The following HPSE2 variants were observed in gnomAD, a reference collection of about 807,000 sequenced individuals.
HPSE2 encodes inactive heparanase-2.
In HPSE2, 38 loss-of-function variants were observed where a neutral mutation model predicts 60.5. That is an observed-to-expected ratio of 0.63 (90% CI 0.48 to 0.82). The LOEUF (loss-of-function observed/expected upper bound fraction) is 0.82, where lower values mean the gene tolerates loss of function less well. HPSE2 is among the 40% of genes least tolerant of loss of function. The pLI is 0.00. For missense variants in HPSE2, 713 were observed against 740.4 expected, an observed-to-expected ratio of 0.96 and a Z score of 0.43; for synonymous variants, 295 against 293.2, an observed-to-expected ratio of 1.01 and a Z score of -0.06.
chr10:99,167,955 A>G (rs1177494236), intron 2 of HPSE2, among the ~76,000 whole-genome samples: 2 of 152,004 alleles, frequency 1.3e-5, no homozygotes, highest in African/African-American at 4.8e-5. Flanking sequence ...ACATAAATAT[A>G]TTCGTTATAC....
intron 6 of HPSE2, among the ~76,000 whole-genome samples, chr10:98,665,899 A>G (rs933651405): frequency 1.5e-4 from 23 of 152,210 alleles, no homozygotes; most frequent in Admixed American, 1.5e-3. Context: ...CAAAAAGCTA[A>G]TAACATGATG....
At chr10:98,517,135 G>A (rs899307400) in intron 9 of HPSE2, among the ~76,000 whole-genome samples, 1 of 145,474 alleles carries the variant, frequency 6.9e-6, no homozygotes, top group African/African-American at 2.5e-5. Flanking sequence ...AAGACCCAGA[G>A]CAGGGCTTTC....
At chr10:99,142,527 G>A (rs1333100261) in intron 3 of HPSE2, among the ~76,000 whole-genome samples, 2 of 152,188 alleles carry the variant, frequency 1.3e-5, no homozygotes, top group African/African-American at 2.4e-5. Flanking sequence ...CTCTGCACAG[G>A]CATTTGGGTG....
intron 4 of HPSE2, among the ~76,000 whole-genome samples, chr10:98,727,102 TAAG>T (rs560293520): frequency 2.1e-4 from 32 of 152,134 alleles, no homozygotes; most frequent in African/African-American, 7.7e-4. Flanking sequence ...TAAAAAAACT[TAAG>T]AGATATCAGT....
At chr10:98,731,345 A>G (rs1406273385) in intron 4 of HPSE2, among the ~76,000 whole-genome samples, 1 of 152,182 alleles carries the variant, frequency 6.6e-6, no homozygotes, top group African/African-American at 2.4e-5. Flanking sequence ...ATTCCTCATA[A>G]CATAGATGTA....
chr10:98,644,335 CTT>C (rs1372854727), intron 6 of HPSE2, among the ~76,000 whole-genome samples: 2 of 152,310 alleles, frequency 1.3e-5, no homozygotes, highest in Admixed American at 1.3e-4. Context: ...GCAGCAGAAA[CTT>C]ACACTGAAAG....
chr10:98,964,661 G>A (rs1484543461), intron 3 of HPSE2, among the ~76,000 whole-genome samples: 1 of 152,002 alleles, frequency 6.6e-6, no homozygotes, highest in African/African-American at 2.4e-5. Flanking sequence ...TCTATCAAAA[G>A]TTCCTAATCC....
chr10:99,268,279 C>A, the HPSE2 span, among the ~76,000 whole-genome samples: 1 of 152,174 alleles, frequency 6.6e-6, no homozygotes, highest in Non-Finnish European at 1.5e-5. Context: ...CCCAACACTA[C>A]AAGAACTGCC....
chr10:99,078,614 T>A (rs1843025883), intron 3 of HPSE2, among the ~76,000 whole-genome samples: 1 of 152,182 alleles, frequency 6.6e-6, no homozygotes, highest in Non-Finnish European at 1.5e-5. Flanking sequence ...ATATTTTTGA[T>A]CTGTCATTGG....
At chr10:98,991,915 G>A (rs1956534607) in intron 3 of HPSE2, among the ~76,000 whole-genome samples, 1 of 152,132 alleles carries the variant, frequency 6.6e-6, no homozygotes, top group Non-Finnish European at 1.5e-5. Context: ...TGGCTCCACT[G>A]TCTCCAAAAC....
At chr10:99,293,082 C>T in the HPSE2 span, among the ~76,000 whole-genome samples, 2 of 152,104 alleles carry the variant, frequency 1.3e-5, no homozygotes, top group African/African-American at 4.8e-5. Context: ...GTATAAATGA[C>T]CCTCTTCACC....
chr10:99,140,179 G>A (rs1451457553), intron 3 of HPSE2, among the ~76,000 whole-genome samples: 1 of 152,086 alleles, frequency 6.6e-6, no homozygotes, highest in African/African-American at 2.4e-5. Context: ...TTAATAGAAT[G>A]GGCCACAACT....
intron 9 of HPSE2, among the ~76,000 whole-genome samples, chr10:98,567,947 TA>T: frequency 6.6e-6 from 1 of 152,244 alleles, no homozygotes; most frequent in South Asian, 2.1e-4. Context: ...CCTCATGGGA[TA>T]AAAATCACAC....
the HPSE2 span, among the ~76,000 whole-genome samples, chr10:99,264,695 T>A: frequency 1.3e-5 from 2 of 152,262 alleles, no homozygotes; most frequent in East Asian, 3.9e-4. Flanking sequence ...TTTTTCTCCT[T>A]CTTTTATTTG....
chr10:99,081,154 A>G (rs1449022875), intron 3 of HPSE2, among the ~76,000 whole-genome samples: 1 of 152,238 alleles, frequency 6.6e-6, no homozygotes, highest in African/African-American at 2.4e-5. Flanking sequence ...GTGTGCAAAC[A>G]TCCGAAGGTA....
the HPSE2 span, among the ~76,000 whole-genome samples, chr10:99,313,011 C>T: frequency 1.4e-3 from 218 of 152,282 alleles, no homozygotes; most frequent in African/African-American, 4.7e-3. Flanking sequence ...ATGTGGCAAT[C>T]CTGTTCCCTC....
chr10:99,203,914 G>C (rs1390329959), intron 2 of HPSE2, among the ~76,000 whole-genome samples: 1 of 151,884 alleles, frequency 6.6e-6, no homozygotes, highest in East Asian at 1.9e-4. Flanking sequence ...GCAGACCCTG[G>C]TGACAGATAT....
At chr10:98,992,919 A>C (rs1197400451) in intron 3 of HPSE2, among the ~76,000 whole-genome samples, 1 of 152,194 alleles carries the variant, frequency 6.6e-6, no homozygotes, top group African/African-American at 2.4e-5. Context: ...TTTGAGTCCC[A>C]GTTCACAATG....
intron 2 of HPSE2, among the ~76,000 whole-genome samples, chr10:99,171,439 A>G (rs960238507): frequency 5.9e-5 from 9 of 152,214 alleles, no homozygotes; most frequent in Admixed American, 5.9e-4. Context: ...ATGTGGGAAA[A>G]AAAAAGACAG....
Sources: allele counts gnomAD v4.1 joint callset (sites outside exome capture counted in the v4.1 genomes callset), GRCh38; gene constraint gnomAD v4.1.1; transcripts MANE v1.5; gene names NCBI Gene and HGNC (gene_info 2026-07-23, HGNC 2026-07-21).